Variants in KIAA0825 observed in about 807,000 individuals in gnomAD.
KIAA0825 encodes the protein KIAA0825.
A neutral mutation model predicts 147.6 loss-of-function variants in KIAA0825; 119 were observed. That is an observed-to-expected ratio of 0.81 (90% CI 0.69 to 0.94). KIAA0825 has a LOEUF of 0.94. Among genes scored for constraint, KIAA0825 ranks in the 40% least tolerant of loss-of-function variants. KIAA0825 has a pLI of 0.00. For missense variants in KIAA0825, 1,381 were observed against 1,472.7 expected, an observed-to-expected ratio of 0.94 and a Z score of 1.02; for synonymous variants, 470 against 518.1, an observed-to-expected ratio of 0.91 and a Z score of 1.26.
intron 2 of KIAA0825, among the ~76,000 whole-genome samples, chr5:94,575,356 T>C (rs534005611): frequency 6.7e-6 from 1 of 148,604 alleles, no homozygotes; most frequent in Non-Finnish European, 1.5e-5. Context: ...GATGTGGCCA[T>C]GACGGAAAAA....
chr5:94,519,765 C>A, intron 5 of KIAA0825: 4 of 825,908 alleles, frequency 4.8e-6, no homozygotes, highest in Non-Finnish European at 5.8e-6. Context: ...ATTCTTTTTA[C>A]CTAATAATGC....
intron 20 of KIAA0825, among the ~76,000 whole-genome samples, chr5:94,299,060 C>A (rs1038599580): frequency 1.3e-5 from 2 of 152,038 alleles, no homozygotes; most frequent in African/African-American, 4.8e-5. Flanking sequence ...ACCAACAAAG[C>A]AAAAGGCTTT....
chr5:94,547,381 T>A (rs765866511), intron 2 of KIAA0825, among the ~76,000 whole-genome samples: 15 of 152,010 alleles, frequency 9.9e-5, no homozygotes, highest in Non-Finnish European at 2.1e-4. Flanking sequence ...CCAAGTAGAT[T>A]TAACCCAAAG....
At chr5:94,181,392 G>T (rs1208657012) in intron 20 of KIAA0825, among the ~76,000 whole-genome samples, 1 of 152,150 alleles carries the variant, frequency 6.6e-6, no homozygotes, top group Non-Finnish European at 1.5e-5. Flanking sequence ...ATATTTAAAA[G>T]CCCCTCTGAT....
chr5:94,500,437 T>C (rs978713842), intron 5 of KIAA0825, among the ~76,000 whole-genome samples: 1 of 152,240 alleles, frequency 6.6e-6, no homozygotes, highest in South Asian at 2.1e-4. Flanking sequence ...TGTAAAATCT[T>C]GGTGATTCTT....
At position 94,160,634 on chromosome 5, in the gene KIAA0825, G is replaced by A. The variant is rs146414648; in HGVS notation, c.3711-6510C>T. Among the ~76,000 whole-genome samples, 206 of 147,374 alleles carry A rather than the reference G, an allele frequency of 1.4e-3. 1 individual carries two copies. Among genetic ancestry groups the A allele is most frequent in the African/African-American group, 4.6e-3 (186 of 40,432 alleles). On this transcript the variant is annotated intron_variant, in intron 20 of 20. Transcript: ENST00000682413. ...AATATATACATATTAAATATATACTGTATGTGTGTATATTAAATATATACT... is the reference window on the plus strand; with the variant it reads ...AATATATACATATTAAATATATACTATATGTGTGTATATTAAATATATACT...
intron 3 of KIAA0825, among the ~76,000 whole-genome samples, chr5:94,529,377 C>CATATGTATATA (rs1770257562): frequency 2.2e-5 from 3 of 138,814 alleles, no homozygotes; most frequent in African/African-American, 5.6e-5. Flanking sequence ...ATGTATATAT[C>CATATGTATATA]TCATATATGT....
intron 17 of KIAA0825, among the ~76,000 whole-genome samples, chr5:94,393,883 T>G (rs1190587314): frequency 6.6e-6 from 1 of 151,602 alleles, no homozygotes; most frequent in East Asian, 1.9e-4. Flanking sequence ...AGTTTCACTC[T>G]TGTTGCCCAG....
chr5:94,420,595 G>A (rs1307417287), intron 14 of KIAA0825, among the ~76,000 whole-genome samples: 3 of 152,018 alleles, frequency 2.0e-5, no homozygotes, highest in South Asian at 2.1e-4. Flanking sequence ...ACTATATGAC[G>A]TTCTGCGGAT....
At chr5:94,230,512 A>C (rs1477004659) in intron 20 of KIAA0825, among the ~76,000 whole-genome samples, 4 of 151,968 alleles carry the variant, frequency 2.6e-5, no homozygotes, top group Non-Finnish European at 5.9e-5. Flanking sequence ...CCACTCTTGC[A>C]CTTGTTTTAT....
chr5:94,611,285 G>A (rs1402156340), intron 1 of KIAA0825, among the ~76,000 whole-genome samples: 5 of 151,996 alleles, frequency 3.3e-5, no homozygotes, highest in African/African-American at 9.7e-5. Flanking sequence ...ATGTTAAATC[G>A]CCTCTTTAAT....
At chr5:94,617,794 T>C (rs1244775451) in intron 1 of KIAA0825, 1 of 152,232 alleles carries the variant, frequency 6.6e-6, no homozygotes, top group Non-Finnish European at 1.5e-5. Flanking sequence ...CTATTCTGGC[T>C]ACCTCAGACC....
At chr5:94,276,032 C>T (rs553067332) in intron 20 of KIAA0825, among the ~76,000 whole-genome samples, 48 of 152,208 alleles carry the variant, frequency 3.2e-4, no homozygotes, top group Middle Eastern at 6.8e-3. Flanking sequence ...GTCAGCAGGA[C>T]TTAGGCAAAT....
chr5:94,573,057 T>C (rs553414323), intron 2 of KIAA0825, among the ~76,000 whole-genome samples: 1 of 120,748 alleles, frequency 8.3e-6, no homozygotes, highest in African/African-American at 3.2e-5. Context: ...AAATGAGACA[T>C]CAATCAAATG....
chr5:94,520,550 A>T lies in KIAA0825; in HGVS notation c.668T>A (p.Leu223His). 2 of 1,613,460 alleles carry T rather than the reference A, an allele frequency of 1.2e-6. No individual in the cohort carries two copies. Among genetic ancestry groups the T allele is most frequent in the Non-Finnish European group, 1.7e-6 (2 of 1,179,520 alleles). ...GTAAGAAGGAAAGCAGTTCCACAGA[A>T]GATTAGCCAACAGTTTATTCTGTAT... ...QNIQNKLLAN[L>H]LWNCFPSYNR... The change falls in exon 5 of 21, where the codon CTT becomes CAT. Residue 223 changes from leucine to histidine, a missense_variant. Transcript: ENST00000682413.
chr5:94,326,430 T>C (rs1045631120), intron 20 of KIAA0825, among the ~76,000 whole-genome samples: 1 of 152,168 alleles, frequency 6.6e-6, no homozygotes, highest in African/African-American at 2.4e-5. Flanking sequence ...TAAGATGTAG[T>C]TCCAAACCAT....
intron 3 of KIAA0825, among the ~76,000 whole-genome samples, chr5:94,529,237 TATATATACATATATATGTATATATC>T (rs1561267777): frequency 2.3e-5 from 3 of 129,970 alleles, no homozygotes. Context: ...CATATATATG[TATATATACATATATATGTATATATC>T]ATATATATGT....
chr5:94,394,571 G>C (rs1205638145), intron 17 of KIAA0825, among the ~76,000 whole-genome samples: 1 of 152,096 alleles, frequency 6.6e-6, no homozygotes, highest in East Asian at 1.9e-4. Flanking sequence ...ATTCTTGTAT[G>C]TACCCCTAGG....
rs1584868575 is a variant in KIAA0825 at position 94,552,755 on chromosome 5, AT to A, written c.-1-15629del. On this transcript the variant is annotated intron_variant, in intron 2 of 20. Coordinates refer to ENST00000682413, the MANE Select transcript of KIAA0825 (RefSeq NM_001145678.3). ...TCTGGAGGATACCATGTTAAATGAAATAAGCCAGGAACAGAAAGTTAAACAC... is the reference window on the plus strand; with the variant it reads ...TCTGGAGGATACCATGTTAAATGAAAAAGCCAGGAACAGAAAGTTAAACAC... Among the ~76,000 whole-genome samples, 3 of 152,358 alleles carry A rather than the reference AT, an allele frequency of 2.0e-5. No homozygotes were observed. The South Asian group carries it at 6.2e-4, about 32-fold the overall frequency.
Sources: gnomAD v4.1 joint callset for allele counts (sites outside exome capture counted in the v4.1 genomes callset) on GRCh38, gnomAD v4.1.1 for gene constraint, MANE v1.5 for transcripts, NCBI Gene and HGNC (gene_info 2026-07-23, HGNC 2026-07-21) for gene names.